UBN2: variants seen among roughly 807,000 people sequenced by gnomAD.
UBN2 encodes ubinuclein-2.
A neutral mutation model predicts 120.2 loss-of-function variants in UBN2; 35 were observed. The observed-to-expected ratio is 0.29, with a 90% CI of 0.22 to 0.39. UBN2 has a LOEUF of 0.39. UBN2 is among the 10% of genes least tolerant of loss of function. The probability of loss-of-function intolerance (pLI) is 1.00; values close to 1 mark genes in which losing one functional copy is unlikely to be tolerated. For missense variants in UBN2, 1,693 were observed against 1,663.2 expected (o/e 1.02, Z -0.31); for synonymous variants, 661 against 648.7 (o/e 1.02, Z -0.29).
chr7:139,313,280 T>G, the UBN2 span, among the ~76,000 whole-genome samples: 1 of 152,202 alleles, frequency 6.6e-6, no homozygotes, highest in Non-Finnish European at 1.5e-5. Flanking sequence ...TTTTTTTGTG[T>G]CTTCCAATAA....
chr7:139,300,140 T>C lies in UBN2; in HGVS notation c.*2304T>C, dbSNP rs1346206014. ...ATAATCAGTTCTTTTCCCTGTAACATTTTATACTAACCAGTAAAAATATCT... is the reference window on the plus strand; with the variant it reads ...ATAATCAGTTCTTTTCCCTGTAACACTTTATACTAACCAGTAAAAATATCT... On this transcript the variant is annotated 3_prime_UTR_variant, in exon 18 of 18. Transcript: ENST00000473989. 6.6e-6 allele frequency: 1 copy of C among 152,192 alleles called. No homozygotes were observed. The highest frequency in any genetic ancestry group is 2.4e-5 in the African/African-American group (1 of 41,460). The allele number at this position is 152,192 out of a possible 1,614,324, so 9.4% of individuals were successfully genotyped here. A position where few individuals can be genotyped will look rare whatever the true frequency, so the allele number is the denominator to read the frequency against.
At chr7:139,265,159 T>A (rs1179968347) in intron 6 of UBN2, among the ~76,000 whole-genome samples, 1 of 152,158 alleles carries the variant, frequency 6.6e-6, no homozygotes, top group Non-Finnish European at 1.5e-5. Context: ...GGGAATTGAT[T>A]TTTTTGTTTT....
At position 139,298,000 on chromosome 7, in the gene UBN2, C is replaced by G; in HGVS notation, c.*164C>G. The G allele has an allele frequency of 1.4e-6, 1 of 707,804 alleles. No homozygotes were observed. Among genetic ancestry groups the G allele is most frequent in the Non-Finnish European group, 2.3e-6 (1 of 430,614 alleles). 43.8% of individuals were successfully genotyped at this position (707,804 alleles called of 1,614,324 possible). A position where few individuals can be genotyped will look rare whatever the true frequency, so the allele number is the denominator to read the frequency against. On this transcript the variant is annotated 3_prime_UTR_variant, in exon 18 of 18. Coordinates refer to ENST00000473989, the MANE Select transcript of UBN2 (RefSeq NM_173569.4). ...AAAAGAAAAGAAAACATTACTTGAG[C>G]AAAGCCAGGTGCAGGAGGAAGAAAT...
Position 139,279,359 on chromosome 7 carries a change from A to G in UBN2, c.2066A>G (p.Lys689Arg). The G allele has an allele frequency of 6.2e-7, 1 of 1,603,282 alleles. No individual in the cohort carries two copies. Among genetic ancestry groups the G allele is most frequent in the South Asian group, 1.1e-5 (1 of 89,612 alleles). Residue 689 changes from lysine to arginine, a missense_variant and splice_region_variant, in exon 13 of 18, where the codon AAG becomes AGG. Lys to Arg is a conservative substitution (Grantham distance 26). Coordinates refer to ENST00000473989, the MANE Select transcript of UBN2 (RefSeq NM_173569.4). ...ATTCCTGCACCTAAACCCAAAGTAA[A>G]GGTAAGTACTGAAACAAAATATTTA... Reference protein sequence around the residue: ...KVIPAPKPKVKEVMVKTLPLH... With the variant: ...KVIPAPKPKVREVMVKTLPLH...
In UBN2 at chr7:139,276,118, G is replaced by T. The variant is rs1458185294; in HGVS notation, c.1995G>T (p.Arg665=). 1.2e-6 allele frequency: 2 copies of T among 1,613,400 alleles called. No individual in the cohort carries two copies. The highest frequency in any genetic ancestry group is 1.7e-6 in the Non-Finnish European group (2 of 1,179,866). Residue 665 remains arginine (R), a synonymous_variant, in exon 12 of 18, where the codon CGG becomes CGT. Transcript: ENST00000473989. ...CCAGAATGCTTTTTAAGGAAAGCCG[G>T]AGTGTTCATAATCATCTTACTTCTG... ...MQARMLFKES[R]SVHNHLTSAP...
the UBN2 span, among the ~76,000 whole-genome samples, chr7:139,314,239 A>C: frequency 1.3e-5 from 2 of 150,098 alleles, no homozygotes; most frequent in South Asian, 2.2e-4. Context: ...GGCGGATCAC[A>C]AGGTCAGGAG....
the UBN2 span, among the ~76,000 whole-genome samples, chr7:139,316,845 C>T: frequency 6.6e-6 from 1 of 151,796 alleles, no homozygotes; most frequent in Non-Finnish European, 1.5e-5. Flanking sequence ...AATGCCAATC[C>T]AATTTTTATT....
the UBN2 span, among the ~76,000 whole-genome samples, chr7:139,319,528 A>G: frequency 6.6e-6 from 1 of 152,108 alleles, no homozygotes; most frequent in Non-Finnish European, 1.5e-5. Context: ...GGCTGATGCA[A>G]GAGGATTGCT....
the UBN2 span, among the ~76,000 whole-genome samples, chr7:139,328,145 C>A: frequency 6.6e-6 from 1 of 152,178 alleles, no homozygotes; most frequent in African/African-American, 2.4e-5. Flanking sequence ...TAAAGAACTA[C>A]CTGAGACTGG....
intron 5 of UBN2, among the ~76,000 whole-genome samples, chr7:139,260,535 A>G (rs1232295623): frequency 6.6e-6 from 1 of 152,138 alleles, no homozygotes; most frequent in Non-Finnish European, 1.5e-5. Flanking sequence ...GGCTTTTTTC[A>G]CAGAGCTAAG....
At chr7:139,265,173 A>G (rs935444593) in intron 6 of UBN2, among the ~76,000 whole-genome samples, 3 of 151,894 alleles carry the variant, frequency 2.0e-5, no homozygotes, top group Non-Finnish European at 4.4e-5. Flanking sequence ...TTGTTTTTTC[A>G]TGTTCTTAGG....
rs552880492 is a variant in UBN2 at position 139,238,641 on chromosome 7, C to T, written c.561+1544C>T. Among the ~76,000 whole-genome samples, 36 of 152,188 alleles carry T rather than the reference C, an allele frequency of 2.4e-4. 1 individual carries two copies. Among genetic ancestry groups the T allele is most frequent in the Admixed American group, 2.0e-3 (31 of 15,282 alleles). On this transcript the variant is annotated intron_variant, in intron 2 of 17. Transcript: ENST00000473989. ...TTCACCATGTTGGCCCGGCTGGTCT[C>T]GAACTCCTGACCTCAACTGATCTGT... is the stretch of plus-strand genomic sequence containing the variant.
chr7:139,249,766 C>A (rs564803191), intron 2 of UBN2, among the ~76,000 whole-genome samples: 1 of 152,042 alleles, frequency 6.6e-6, no homozygotes, highest in East Asian at 1.9e-4. Context: ...AGTGCAGTGG[C>A]ATGAACTTGG....
At chr7:139,320,651 C>T in the UBN2 span, among the ~76,000 whole-genome samples, 5 of 151,644 alleles carry the variant, frequency 3.3e-5, no homozygotes, top group Non-Finnish European at 5.9e-5. Context: ...TGCGGTCAGA[C>T]GTTCAAGACC....
intron 6 of UBN2, among the ~76,000 whole-genome samples, chr7:139,263,045 G>A (rs545812611): frequency 1.0e-3 from 155 of 152,266 alleles, no homozygotes; most frequent in Middle Eastern, 6.8e-3. Flanking sequence ...GGTTAAACAT[G>A]GTGATGAGCA....
chr7:139,240,195 TG>T (rs1385951516), intron 2 of UBN2, among the ~76,000 whole-genome samples: 1 of 152,002 alleles, frequency 6.6e-6, no homozygotes. Flanking sequence ...GCTGACTTAC[TG>T]TCTTATTTCC....
chr7:139,286,221 C>T, intron 15 of UBN2, among the ~76,000 whole-genome samples: 1 of 152,154 alleles, frequency 6.6e-6, no homozygotes, highest in East Asian at 1.9e-4. Context: ...AGCTACCACA[C>T]CTGGCCTAAT....
intron 12 of UBN2, chr7:139,277,835 C>T (rs1370820482): frequency 1.3e-5 from 2 of 152,140 alleles, no homozygotes; most frequent in Non-Finnish European, 2.9e-5. Context: ...GTACTGAACC[C>T]TACATAGACT....
In UBN2 at chr7:139,298,350, T is replaced by C. The variant is rs1798168454; in HGVS notation, c.*514T>C. The C allele has an allele frequency of 6.5e-6, 1 of 155,018 alleles. No homozygotes were observed. The highest frequency in any genetic ancestry group is 2.4e-5 in the African/African-American group (1 of 41,466). 9.6% of individuals were successfully genotyped at this position (155,018 alleles called of 1,614,324 possible). Reference sequence around the variant, plus strand: ...GAAATAATAATGATTCTATCTCCGATAGACAGTAGCTGCATAGCACACCCT... The same window carrying C: ...GAAATAATAATGATTCTATCTCCGACAGACAGTAGCTGCATAGCACACCCT... On this transcript the variant is annotated 3_prime_UTR_variant, in exon 18 of 18. Transcript: ENST00000473989.
Sources: gnomAD v4.1 joint callset for allele counts (sites outside exome capture counted in the v4.1 genomes callset) on GRCh38, gnomAD v4.1.1 for gene constraint, MANE v1.5 for transcripts, NCBI Gene and HGNC (gene_info 2026-07-23, HGNC 2026-07-21) for gene names.